Variants in ENTPD1 observed in about 807,000 individuals in gnomAD.
The protein encoded by ENTPD1 is ATP diphosphohydrolase.
ENTPD1 carries 33 observed loss-of-function variants against 57.0 expected under a neutral mutation model. The ratio of observed to expected loss-of-function variants is 0.58; its 90% CI spans 0.44 to 0.77. The LOEUF (loss-of-function observed/expected upper bound fraction) is 0.77, where lower values mean the gene tolerates loss of function less well. Among genes scored for constraint, ENTPD1 ranks in the 30% least tolerant of loss-of-function variants. The pLI is 0.00. For missense variants in ENTPD1, 501 were observed against 603.4 expected, an observed-to-expected ratio of 0.83 and a Z score of 1.78; for synonymous variants, 202 against 218.8, an observed-to-expected ratio of 0.92 and a Z score of 0.68.
chr10:95,814,821 C>T (rs547564947), intron 1 of ENTPD1, among the ~76,000 whole-genome samples: 1 of 152,160 alleles, frequency 6.6e-6, no homozygotes, highest in Non-Finnish European at 1.5e-5. Context: ...GTTATTTACT[C>T]AATTACCTTG....
At chr10:95,708,338 C>T (rs2097963354), upstream of ENTPD1, among the ~76,000 whole-genome samples, 1 of 152,018 alleles carries the variant, frequency 6.6e-6, no homozygotes, top group South Asian at 2.1e-4. Context: ...CTCAGCCTCC[C>T]GAGTAGCTGG....
At chr10:95,714,314 GA>G (rs1482116312) in intron 1 of ENTPD1, among the ~76,000 whole-genome samples, 2 of 151,584 alleles carry the variant, frequency 1.3e-5, no homozygotes, top group African/African-American at 4.8e-5. Context: ...ACCCTGTCTC[GA>G]AAAAGGAATA....
At chr10:95,776,345 A>T (rs943882797) in intron 1 of ENTPD1, among the ~76,000 whole-genome samples, 2 of 152,118 alleles carry the variant, frequency 1.3e-5, no homozygotes, top group South Asian at 4.1e-4. Flanking sequence ...TGGTGACAAA[A>T]TCTCTCAGCA....
chr10:95,744,777 A>T (rs2098004283), intron 1 of ENTPD1, among the ~76,000 whole-genome samples: 1 of 152,150 alleles, frequency 6.6e-6, no homozygotes. Flanking sequence ...AAAACTTTGT[A>T]TGGGTTAAGG....
intron 2 of ENTPD1, among the ~76,000 whole-genome samples, chr10:95,834,395 T>G (rs888070639): frequency 6.6e-6 from 1 of 151,836 alleles, no homozygotes; most frequent in African/African-American, 2.4e-5. Context: ...ATCAGGAGGG[T>G]AGGATCTAAA....
chr10:95,806,889 CA>C (rs1213057879), intron 1 of ENTPD1, among the ~76,000 whole-genome samples: 1 of 152,114 alleles, frequency 6.6e-6, no homozygotes, highest in Non-Finnish European at 1.5e-5. Context: ...AGCTTCGTCC[CA>C]AAAGGGGACC....
Position 95,731,781 on chromosome 10 carries a change from C to CTTTTTTTTTTTTTTTTTTTTTTT in ENTPD1, c.37+19809_37+19810insTTTTTTTTTTTTTTTTTTTTTTT, listed in dbSNP as rs34841311. Among the ~76,000 whole-genome samples the CTTTTTTTTTTTTTTTTTTTTTTT allele has an allele frequency of 9.3e-4, 74 of 79,176 alleles. 15 individuals carry two copies. Among genetic ancestry groups the CTTTTTTTTTTTTTTTTTTTTTTT allele is most frequent in the African/African-American group, 1.8e-3 (34 of 18,634 alleles). 51.9% of individuals were successfully genotyped at this position (79,176 alleles called of 152,430 possible). A position where few individuals can be genotyped will look rare whatever the true frequency, so the allele number is the denominator to read the frequency against. On this transcript the variant is annotated intron_variant, in intron 1 of 9. Coordinates refer to the ENTPD1 transcript ENST00000453258. ...GGTAAGAATTAGAGGAGTGGACATC[C>CTTTTTTTTTTTTTTTTTTTTTTT]TTTTTTTTTTTTTTTTTTTTTGACA... is the stretch of plus-strand genomic sequence containing the variant.
At chr10:95,800,148 G>A (rs1339571131) in intron 1 of ENTPD1, among the ~76,000 whole-genome samples, 2 of 152,050 alleles carry the variant, frequency 1.3e-5, no homozygotes, top group Non-Finnish European at 2.9e-5. Context: ...TTCAACATAC[G>A]TTCTTTCTAT....
chr10:95,758,861 C>G (rs1459663534), intron 1 of ENTPD1, among the ~76,000 whole-genome samples: 1 of 152,156 alleles, frequency 6.6e-6, no homozygotes, highest in East Asian at 1.9e-4. Flanking sequence ...ATTCAGCAAC[C>G]AATGGTTAAG....
upstream of ENTPD1, among the ~76,000 whole-genome samples, chr10:95,752,665 C>T (rs774294630): frequency 6.0e-5 from 9 of 150,382 alleles, no homozygotes; most frequent in Non-Finnish European, 1.3e-4. Context: ...AACTCTGTCT[C>T]AAAAAAAAAG....
intron 8 of ENTPD1, among the ~76,000 whole-genome samples, chr10:95,862,498 G>A (rs1312879828): frequency 1.3e-5 from 2 of 152,182 alleles, no homozygotes; most frequent in African/African-American, 4.8e-5. Context: ...TTTGCTTGCT[G>A]TGCTTTATGC....
chr10:95,746,488 C>T (rs74820627), intron 1 of ENTPD1, among the ~76,000 whole-genome samples: 1,621 of 152,192 alleles, frequency 0.011, 37 homozygotes, highest in African/African-American at 0.037. Context: ...CTGAAACCTA[C>T]CCCAAACTCA....
At chr10:95,723,222 A>G (rs990080980) in intron 1 of ENTPD1, among the ~76,000 whole-genome samples, 1 of 152,196 alleles carries the variant, frequency 6.6e-6, no homozygotes, top group Non-Finnish European at 1.5e-5. Flanking sequence ...TGGCTTTTAA[A>G]GGAATAGGGC....
At chr10:95,819,601 C>T (rs1211901489) in intron 1 of ENTPD1, among the ~76,000 whole-genome samples, 1 of 152,172 alleles carries the variant, frequency 6.6e-6, no homozygotes, top group East Asian at 1.9e-4. Context: ...TCTGACACAG[C>T]TAATTGGCTT....
chr10:95,851,422 TTGGA>T (rs1166261241), intron 7 of ENTPD1, among the ~76,000 whole-genome samples: 4 of 151,692 alleles, frequency 2.6e-5, no homozygotes, highest in Non-Finnish European at 1.5e-5. Flanking sequence ...TTAATCTAGG[TTGGA>T]TGATCTTTTT....
At chr10:95,736,718 G>C (rs1338185786) in intron 1 of ENTPD1, among the ~76,000 whole-genome samples, 1 of 152,112 alleles carries the variant, frequency 6.6e-6, no homozygotes, top group Non-Finnish European at 1.5e-5. Context: ...ATGACCCTCA[G>C]GTTACTGGAA....
At chr10:95,811,889 A>G (rs1370364105) in intron 1 of ENTPD1, among the ~76,000 whole-genome samples, 1 of 152,158 alleles carries the variant, frequency 6.6e-6, no homozygotes, top group African/African-American at 2.4e-5. Context: ...GTCGCTGTCT[A>G]TGCACCATTT....
chr10:95,873,400 C>CT lies in ENTPD1; in HGVS notation c.*7020dup, dbSNP rs779256267. ...CTCTCTGCCTTGCCTTGCCCTCTGC[C>CT]TTTGGAGACCAGCACCTCATACTCA... On this transcript the variant is annotated 3_prime_UTR_variant, in exon 10 of 10. Coordinates refer to ENST00000371205, the MANE Select transcript of ENTPD1 (RefSeq NM_001776.6). The CT allele has an allele frequency of 1.2e-4, 118 of 985,628 alleles. No individual in the cohort carries two copies. The highest frequency in any genetic ancestry group is 1.4e-4 in the Non-Finnish European group (114 of 830,086). The allele number at this position is 985,628 out of a possible 1,614,324, so 61.1% of individuals were successfully genotyped here. A position where few individuals can be genotyped will look rare whatever the true frequency, so the allele number is the denominator to read the frequency against.
At chr10:95,819,466 G>A (rs2098341270) in intron 1 of ENTPD1, among the ~76,000 whole-genome samples, 1 of 152,104 alleles carries the variant, frequency 6.6e-6, no homozygotes, top group African/African-American at 2.4e-5. Context: ...ACCCTGCCGA[G>A]ATTAAATAAT....
Sources: gnomAD v4.1 joint callset for allele counts (sites outside exome capture counted in the v4.1 genomes callset) on GRCh38, gnomAD v4.1.1 for gene constraint, MANE v1.5 for transcripts, NCBI Gene and HGNC (gene_info 2026-07-23, HGNC 2026-07-21) for gene names.